Variants in NELL1 observed in about 807,000 individuals in gnomAD.
The protein encoded by NELL1 is neural EGFL like 1.
Under a neutral mutation model 107.4 loss-of-function variants are expected in NELL1, and 76 were observed. The ratio of observed to expected loss-of-function variants is 0.71; its 90% confidence interval spans 0.59 to 0.86. The LOEUF is 0.86. Among genes scored for constraint, NELL1 ranks in the 40% least tolerant of loss-of-function variants. The pLI, the probability that NELL1 is intolerant of heterozygous loss-of-function variation, is 0.00. For synonymous variants in NELL1, 353 were observed against 341.2 expected (o/e 1.03, Z -0.38); for missense variants, 1,024 against 1,005.5 (o/e 1.02, Z -0.25).
intron 12 of NELL1, among the ~76,000 whole-genome samples, chr11:20,987,326 A>T (rs912911422): frequency 6.6e-6 from 1 of 152,206 alleles, no homozygotes; most frequent in African/African-American, 2.4e-5. Flanking sequence ...TCCCTTCTCT[A>T]CAAGTTACTA....
intron 15 of NELL1, among the ~76,000 whole-genome samples, chr11:21,416,526 A>G (rs779471657): frequency 1.3e-5 from 2 of 152,188 alleles, no homozygotes; most frequent in African/African-American, 2.4e-5. Flanking sequence ...TCCAAATTCT[A>G]TAAAACAAGA....
intron 5 of NELL1, among the ~76,000 whole-genome samples, chr11:20,916,148 G>A (rs1438768763): frequency 6.6e-6 from 1 of 151,828 alleles, no homozygotes; most frequent in Non-Finnish European, 1.5e-5. Flanking sequence ...AATACCAAGT[G>A]CTTTGGGTTT....
intron 14 of NELL1, among the ~76,000 whole-genome samples, chr11:21,300,565 G>GC (rs1430692778): frequency 6.6e-6 from 1 of 151,898 alleles, no homozygotes; most frequent in Non-Finnish European, 1.5e-5. Context: ...AGGGTACTCA[G>GC]GAGGCTATAG....
At chr11:20,700,043 C>CT (rs1554902500) in intron 2 of NELL1, among the ~76,000 whole-genome samples, 5 of 151,890 alleles carry the variant, frequency 3.3e-5, no homozygotes, top group Admixed American at 2.0e-4. Flanking sequence ...GGACGTAGAA[C>CT]TTTTTTTTTA....
intron 12 of NELL1, among the ~76,000 whole-genome samples, chr11:21,078,021 G>C (rs1854181464): frequency 6.6e-6 from 1 of 151,816 alleles, no homozygotes; most frequent in Non-Finnish European, 1.5e-5. Flanking sequence ...AAGGCTCCAG[G>C]TAACAATAAT....
rs554665890 is a variant in NELL1, at chr11:20,697,593, TGTTGTG to T, written c.184+19535_184+19540del. On this transcript the variant is annotated intron_variant, in intron 2 of 19. Coordinates refer to ENST00000357134, the MANE Select transcript of NELL1 (RefSeq NM_006157.5). The stretch of plus-strand genomic sequence containing the variant: ...TTTGCCTTCTAGGCTTTGAGCTACA[TGTTGTG>T]GAAGACCTAGATGAATAAGGTAAAG... 3.9e-5 allele frequency among the ~76,000 whole-genome samples: 6 copies of T among 152,258 alleles called. No homozygotes were observed. The South Asian group carries it at 1.0e-3, about 26-fold the overall frequency.
chr11:21,091,821 G>T (rs867198853), intron 12 of NELL1, among the ~76,000 whole-genome samples: 5 of 152,124 alleles, frequency 3.3e-5, no homozygotes, highest in African/African-American at 1.2e-4. Flanking sequence ...CAATATAATT[G>T]AACTTTACAG....
chr11:21,335,891 C>T (rs897224922), intron 14 of NELL1, among the ~76,000 whole-genome samples: 4 of 151,980 alleles, frequency 2.6e-5, no homozygotes. Context: ...CAATAGACAC[C>T]AAAGCCTGCC....
chr11:20,988,938 C>T (rs1434880506), intron 12 of NELL1, among the ~76,000 whole-genome samples: 1 of 152,002 alleles, frequency 6.6e-6, no homozygotes, highest in Non-Finnish European at 1.5e-5. Context: ...TAGAGTTGGA[C>T]ATATCTGAGT....
intron 16 of NELL1, among the ~76,000 whole-genome samples, chr11:21,554,818 G>A (rs1402482133): frequency 6.6e-6 from 1 of 151,844 alleles, no homozygotes; most frequent in Non-Finnish European, 1.5e-5. Context: ...GACTGGGACA[G>A]AGTTGACTCA....
chr11:21,026,134 C>T (rs773812653), intron 12 of NELL1, among the ~76,000 whole-genome samples: 2 of 152,154 alleles, frequency 1.3e-5, no homozygotes, highest in African/African-American at 2.4e-5. Context: ...CTTTTGCAAA[C>T]CACTCCTAAT....
At chr11:20,982,738 A>G (rs1257956573) in intron 12 of NELL1, among the ~76,000 whole-genome samples, 2 of 152,272 alleles carry the variant, frequency 1.3e-5, no homozygotes, top group Non-Finnish European at 2.9e-5. Context: ...GAATTTTAAT[A>G]GCAGTTGTAA....
At chr11:20,951,188 A>G (rs1851062318) in intron 11 of NELL1, among the ~76,000 whole-genome samples, 2 of 152,214 alleles carry the variant, frequency 1.3e-5, no homozygotes, top group South Asian at 4.1e-4. Context: ...CATTATTTTC[A>G]GCACTAGCTG....
At chr11:20,674,326 T>G (rs1853995451) in intron 1 of NELL1, among the ~76,000 whole-genome samples, 1 of 151,996 alleles carries the variant, frequency 6.6e-6, no homozygotes, top group Non-Finnish European at 1.5e-5. Context: ...GGAGAACTGG[T>G]CTTATTAAAG....
At chr11:21,056,700 A>G (rs1044328451) in intron 12 of NELL1, among the ~76,000 whole-genome samples, 1 of 152,170 alleles carries the variant, frequency 6.6e-6, no homozygotes, top group African/African-American at 2.4e-5. Context: ...TTCATTTTTT[A>G]TTAAAACTTA....
chr11:21,152,775 T>C (rs897724407), intron 13 of NELL1, among the ~76,000 whole-genome samples: 1 of 152,172 alleles, frequency 6.6e-6, no homozygotes, highest in Non-Finnish European at 1.5e-5. Context: ...AGAATGACCA[T>C]GAAAATGAAA....
chr11:21,477,333 CAG>C (rs368610675), intron 15 of NELL1, among the ~76,000 whole-genome samples: 4 of 151,224 alleles, frequency 2.6e-5, no homozygotes, highest in Admixed American at 6.6e-5. Context: ...GAGCTTAGCA[CAG>C]AGAGAGAGAG....
At chr11:20,940,609 C>G (rs1411786114) in intron 10 of NELL1, among the ~76,000 whole-genome samples, 1 of 152,044 alleles carries the variant, frequency 6.6e-6, no homozygotes, top group Non-Finnish European at 1.5e-5. Flanking sequence ...CCAGCTTCTC[C>G]CAGAATAAGC....
chr11:21,309,264 A>ATATATATATATATGTGTG (rs1360115535), intron 14 of NELL1, among the ~76,000 whole-genome samples: 2 of 33,248 alleles, frequency 6.0e-5, no homozygotes, highest in African/African-American at 1.0e-4. Context: ...ATATATGTAT[A>ATATATATATATATGTGTG]TATATATATA....
Sources: gnomAD v4.1 joint callset for allele counts (sites outside exome capture counted in the v4.1 genomes callset) on GRCh38, gnomAD v4.1.1 for gene constraint, MANE v1.5 for transcripts, NCBI Gene and HGNC (gene_info 2026-07-23, HGNC 2026-07-21) for gene names.